The following MIPOL1 variants were observed in gnomAD, a reference collection of about 807,000 sequenced individuals.
MIPOL1 encodes the protein mirror-image polydactyly 1.
Under a neutral mutation model 60.9 loss-of-function variants are expected in MIPOL1, and 57 were observed. That is an observed-to-expected ratio of 0.94 (90% CI 0.76 to 1.17). MIPOL1 has a LOEUF of 1.17. Ranked by LOEUF, MIPOL1 falls within the 50% of genes most tolerant of loss-of-function variation. MIPOL1 has a pLI of 0.00. For synonymous variants in MIPOL1, 179 were observed against 168.8 expected, an observed-to-expected ratio of 1.06 and a Z score of -0.47; for missense variants, 551 against 511.6, an observed-to-expected ratio of 1.08 and a Z score of -0.74.
At chr14:37,470,818 A>G (rs1170661448) in intron 11 of MIPOL1, among the ~76,000 whole-genome samples, 1 of 152,146 alleles carries the variant, frequency 6.6e-6, no homozygotes, top group Non-Finnish European at 1.5e-5. Context: ...AGAAACCAGA[A>G]GTGTATTGTC....
At chr14:37,226,077 G>A (rs1021690115) in intron 1 of MIPOL1, among the ~76,000 whole-genome samples, 1 of 152,072 alleles carries the variant, frequency 6.6e-6, no homozygotes, top group Non-Finnish European at 1.5e-5. Flanking sequence ...GGACTTTATT[G>A]TCCATATTGC....
intron 9 of MIPOL1, among the ~76,000 whole-genome samples, chr14:37,310,089 A>G (rs1310839356): frequency 6.6e-6 from 1 of 152,082 alleles, no homozygotes; most frequent in Admixed American, 6.6e-5. Flanking sequence ...CTTAAATTCC[A>G]TAGCCCATTA....
At chr14:37,451,371 T>G (rs1471341726) in intron 11 of MIPOL1, among the ~76,000 whole-genome samples, 1 of 152,216 alleles carries the variant, frequency 6.6e-6, no homozygotes, top group Non-Finnish European at 1.5e-5. Flanking sequence ...TTTCTTCTAC[T>G]TGTGTTTTTT....
chr14:37,368,206 T>C (rs1265106050), intron 9 of MIPOL1, among the ~76,000 whole-genome samples: 1 of 152,096 alleles, frequency 6.6e-6, no homozygotes, highest in African/African-American at 2.4e-5. Flanking sequence ...ATGGTTATTT[T>C]ATTTATTTTT....
In MIPOL1 at chr14:37,546,979, A is replaced by G. The variant is rs868001180; in HGVS notation, c.*8A>G. The G allele has an allele frequency of 6.2e-7, 1 of 1,613,300 alleles. No homozygotes were observed. The highest frequency in any genetic ancestry group is 8.5e-7 in the Non-Finnish European group (1 of 1,179,420). On this transcript the variant is annotated 3_prime_UTR_variant, in exon 13 of 13. Coordinates refer to ENST00000684589, the MANE Select transcript of MIPOL1 (RefSeq NM_001388067.1). The stretch of plus-strand genomic sequence containing the variant: ...ATGAGGACAGTGATCTGATTGAAAA[A>G]AAACGACAGTCTGGGGAAGCGATCA...
At chr14:37,469,986 A>T (rs1315461607) in intron 11 of MIPOL1, among the ~76,000 whole-genome samples, 6 of 152,184 alleles carry the variant, frequency 3.9e-5, no homozygotes, top group African/African-American at 1.4e-4. Flanking sequence ...AAAGATGCAA[A>T]GGAGATTTAT....
intron 1 of MIPOL1, among the ~76,000 whole-genome samples, chr14:37,228,909 T>C (rs1257373027): frequency 1.3e-5 from 2 of 152,168 alleles, no homozygotes; most frequent in Admixed American, 6.5e-5. Context: ...CTTGTCAGCA[T>C]AGTGAGACCC....
intron 1 of MIPOL1, among the ~76,000 whole-genome samples, chr14:37,242,717 T>C (rs942528919): frequency 6.6e-6 from 1 of 152,082 alleles, no homozygotes; most frequent in Admixed American, 6.5e-5. Context: ...CTTCTAAGGA[T>C]AGAGAGATGG....
At chr14:37,325,218 C>T (rs897920411) in intron 9 of MIPOL1, among the ~76,000 whole-genome samples, 4 of 151,966 alleles carry the variant, frequency 2.6e-5, no homozygotes, top group African/African-American at 4.8e-5. Flanking sequence ...ATTAATAATG[C>T]GCTACATGGT....
At chr14:37,200,136 G>T (rs1037206575) in intron 1 of MIPOL1, among the ~76,000 whole-genome samples, 1 of 152,164 alleles carries the variant, frequency 6.6e-6, no homozygotes, top group Admixed American at 6.5e-5. Context: ...TTCTGTAAGG[G>T]ACCAGACAAT....
intron 5 of MIPOL1, among the ~76,000 whole-genome samples, chr14:37,269,197 T>C (rs2083101086): frequency 6.6e-6 from 1 of 152,122 alleles, no homozygotes; most frequent in African/African-American, 2.4e-5. Context: ...CAATAATACA[T>C]GTAATTAAAC....
intron 10 of MIPOL1, among the ~76,000 whole-genome samples, chr14:37,393,301 C>T (rs2093293045): frequency 6.6e-6 from 1 of 151,840 alleles, no homozygotes; most frequent in South Asian, 2.1e-4. Context: ...GTTTCAGTAG[C>T]CCTAGGAAAC....
At chr14:37,357,362 T>C (rs2091918560) in intron 9 of MIPOL1, among the ~76,000 whole-genome samples, 1 of 152,168 alleles carries the variant, frequency 6.6e-6, no homozygotes, top group African/African-American at 2.4e-5. Context: ...TTGTGGGATA[T>C]TGCTCAAGAA....
chr14:37,518,677 A>T lies in MIPOL1; in HGVS notation c.1262+18539A>T, dbSNP rs1211122754. ...ATATTTTTCTTAGCTCTATCCTCTG[A>T]AAAGGGCTTAAAAGCAACACACACA... is the stretch of plus-strand genomic sequence containing the variant. On this transcript the variant is annotated intron_variant, in intron 12 of 12. Transcript: ENST00000684589. Among the ~76,000 whole-genome samples the T allele has an allele frequency of 3.3e-5, 5 of 152,268 alleles. No homozygotes were observed. The East Asian group carries it at 9.7e-4, about 29-fold the overall frequency.
intron 7 of MIPOL1, among the ~76,000 whole-genome samples, chr14:37,293,627 A>G (rs1185373546): frequency 6.6e-6 from 1 of 152,144 alleles, no homozygotes; most frequent in Admixed American, 6.5e-5. Context: ...ACGCTTTTCC[A>G]ATGGGCTTAT....
chr14:37,427,932 A>G (rs2093993350), intron 11 of MIPOL1, among the ~76,000 whole-genome samples: 1 of 152,176 alleles, frequency 6.6e-6, no homozygotes, highest in Non-Finnish European at 1.5e-5. Context: ...TGTAATTTTC[A>G]GATAGATTAA....
At chr14:37,296,553 A>G (rs577538520) in intron 7 of MIPOL1, among the ~76,000 whole-genome samples, 2 of 152,270 alleles carry the variant, frequency 1.3e-5, no homozygotes, top group South Asian at 4.1e-4. Context: ...TTGATAGACC[A>G]TTAGCAAGAC....
chr14:37,435,935 G>T (rs562947244), intron 11 of MIPOL1, among the ~76,000 whole-genome samples: 2 of 152,202 alleles, frequency 1.3e-5, no homozygotes, highest in Admixed American at 1.3e-4. Context: ...TGACAATGTG[G>T]TTAATTTTTT....
intron 11 of MIPOL1, among the ~76,000 whole-genome samples, chr14:37,455,268 T>C (rs2094464887): frequency 6.6e-6 from 1 of 152,328 alleles, no homozygotes; most frequent in South Asian, 2.1e-4. Context: ...TAATCGTTAA[T>C]ACTAATATCC....
Sources: allele counts gnomAD v4.1 joint callset (sites outside exome capture counted in the v4.1 genomes callset), GRCh38; gene constraint gnomAD v4.1.1; transcripts MANE v1.5; gene names NCBI Gene and HGNC (gene_info 2026-07-23, HGNC 2026-07-21).